The following CTNNA2 variants were observed in gnomAD, a reference collection of about 807,000 sequenced individuals.
The protein encoded by CTNNA2 is catenin alpha-2.
CTNNA2 carries 42 observed loss-of-function variants against 101.0 expected under a neutral mutation model. The ratio of observed to expected loss-of-function variants is 0.42; its 90% CI spans 0.32 to 0.54. The LOEUF (loss-of-function observed/expected upper bound fraction) is 0.54, where lower values mean the gene tolerates loss of function less well. Ranked by LOEUF, CTNNA2 falls within the 20% of genes least tolerant of loss-of-function variation. The pLI is 0.14. For missense variants in CTNNA2, 871 were observed against 1,223.1 expected (o/e 0.71, Z 4.29); for synonymous variants, 450 against 456.4 (o/e 0.99, Z 0.18).
At chr2:80,179,606 C>T (rs746092694) in intron 7 of CTNNA2, among the ~76,000 whole-genome samples, 3 of 152,136 alleles carry the variant, frequency 2.0e-5, no homozygotes, top group Non-Finnish European at 4.4e-5. Context: ...ATCTCCTGAC[C>T]TCGTGATCCG....
At chr2:80,607,146 A>C in intron 16 of CTNNA2, among the ~76,000 whole-genome samples, 1 of 151,850 alleles carries the variant, frequency 6.6e-6, no homozygotes, top group East Asian at 1.9e-4. Flanking sequence ...GCTTGAGGGA[A>C]ACTTAGCTCA....
chr2:80,494,738 T>A (rs1370045658), intron 9 of CTNNA2, among the ~76,000 whole-genome samples: 1 of 152,112 alleles, frequency 6.6e-6, no homozygotes, highest in African/African-American at 2.4e-5. Flanking sequence ...TAAAAGATAA[T>A]TTCTAATAAA....
At chr2:80,099,899 G>T (rs1298581589) in intron 7 of CTNNA2, among the ~76,000 whole-genome samples, 1 of 152,066 alleles carries the variant, frequency 6.6e-6, no homozygotes, top group Admixed American at 6.6e-5. Context: ...TATAGTATCA[G>T]AGTCTTTGGG....
At chr2:79,369,565 C>A (rs1677825343) in intron 3 of CTNNA2, among the ~76,000 whole-genome samples, 1 of 152,172 alleles carries the variant, frequency 6.6e-6, no homozygotes, top group South Asian at 2.1e-4. Flanking sequence ...GCTCAGCAAC[C>A]TACAGAAGCT....
chr2:80,039,795 A>T (rs1285671978), intron 7 of CTNNA2, among the ~76,000 whole-genome samples: 2 of 152,254 alleles, frequency 1.3e-5, no homozygotes, highest in East Asian at 3.8e-4. Context: ...TATCAGAAAG[A>T]CAGAAGTTTC....
intron 4 of CTNNA2, among the ~76,000 whole-genome samples, chr2:79,394,943 A>C (rs1183785130): frequency 1.3e-5 from 2 of 152,134 alleles, no homozygotes; most frequent in Non-Finnish European, 2.9e-5. Context: ...ACTGTGGGCC[A>C]TGTGTGAAGG....
intron 1 of CTNNA2, among the ~76,000 whole-genome samples, chr2:79,624,939 C>T (rs1351167811): frequency 6.6e-6 from 1 of 151,992 alleles, no homozygotes; most frequent in Admixed American, 6.6e-5. Flanking sequence ...ATAATTATGG[C>T]AGAGCATACT....
rs146295067 is a variant in CTNNA2 at position 79,375,311 on chromosome 2, G to A, written c.-135+1298G>A. Among the ~76,000 whole-genome samples, 210 of 152,240 alleles carry A rather than the reference G, an allele frequency of 1.4e-3. 1 individual carries two copies. Among genetic ancestry groups the A allele is most frequent in the Admixed American group, 2.9e-3 (45 of 15,288 alleles). ...CAAGTTAGCCTGCAACAACTACCTT[G>A]TAAGCTTTTTGTAAGAATTGCAGTA... On this transcript the variant is annotated intron_variant, in intron 4 of 21. Coordinates refer to the CTNNA2 transcript ENST00000466387.
At chr2:79,710,120 G>A (rs1455775630) in intron 2 of CTNNA2, among the ~76,000 whole-genome samples, 3 of 152,010 alleles carry the variant, frequency 2.0e-5, no homozygotes, top group Non-Finnish European at 4.4e-5. Flanking sequence ...GAATTGGTGG[G>A]AAGACGTTAG....
At chr2:79,551,686 A>G (rs2104057443) in intron 1 of CTNNA2, among the ~76,000 whole-genome samples, 1 of 152,298 alleles carries the variant, frequency 6.6e-6, no homozygotes, top group Non-Finnish European at 1.5e-5. Context: ...CAGTTCCACA[A>G]GTTGTACATG....
intron 7 of CTNNA2, among the ~76,000 whole-genome samples, chr2:80,329,879 G>A (rs1483453985): frequency 3.9e-5 from 6 of 152,176 alleles, no homozygotes. Flanking sequence ...GGAAACCCAG[G>A]GAAACTTTTC....
intron 18 of CTNNA2, among the ~76,000 whole-genome samples, chr2:80,641,825 TCTG>T (rs1409837573): frequency 6.6e-5 from 10 of 152,278 alleles, no homozygotes; most frequent in South Asian, 4.1e-4. Flanking sequence ...AAGGTCTTAT[TCTG>T]AGAAATTTTT....
At chr2:79,614,885 A>G (rs1176487196) in intron 1 of CTNNA2, among the ~76,000 whole-genome samples, 1 of 152,162 alleles carries the variant, frequency 6.6e-6, no homozygotes. Flanking sequence ...AATTTATGAG[A>G]TTGTTTTCAA....
chr2:79,728,990 T>C lies in CTNNA2; in HGVS notation c.103-15397T>C, dbSNP rs930789286. 4.1e-4 allele frequency among the ~76,000 whole-genome samples: 62 copies of C among 152,196 alleles called. 1 individual carries two copies. Among genetic ancestry groups the C allele is most frequent in the Admixed American group, 2.9e-3 (45 of 15,276 alleles). On this transcript the variant is annotated intron_variant, in intron 2 of 18. Coordinates refer to ENST00000402739, the MANE Select transcript of CTNNA2 (RefSeq NM_001282597.3). ...TTTTGGTTACTGTAGCCTTGTAGTA[T>C]AGTTTGAAGTCAGGTAGCGTGATGC...
At chr2:79,651,119 G>A (rs1466601782) in intron 1 of CTNNA2, among the ~76,000 whole-genome samples, 1 of 152,074 alleles carries the variant, frequency 6.6e-6, no homozygotes, top group Non-Finnish European at 1.5e-5. Context: ...CGATTCCTCA[G>A]GGATCTAGAA....
intron 1 of CTNNA2, among the ~76,000 whole-genome samples, chr2:79,531,502 C>T (rs912975082): frequency 1.3e-5 from 2 of 151,854 alleles, no homozygotes; most frequent in Admixed American, 6.6e-5. Flanking sequence ...ATTTCCATAG[C>T]AACGGAAACA....
chr2:79,339,126 G>T (rs891231440), intron 3 of CTNNA2, among the ~76,000 whole-genome samples: 1 of 133,414 alleles, frequency 7.5e-6, no homozygotes, highest in African/African-American at 3.0e-5. Flanking sequence ...TCTGTAGGGA[G>T]AGAGTGAACA....
At chr2:80,296,031 A>AT (rs1306130146) in intron 7 of CTNNA2, among the ~76,000 whole-genome samples, 1 of 151,700 alleles carries the variant, frequency 6.6e-6, no homozygotes, top group Non-Finnish European at 1.5e-5. Flanking sequence ...GAGCACATTG[A>AT]TTTTTTTCTA....
chr2:79,997,086 T>C (rs1692601765), intron 7 of CTNNA2, among the ~76,000 whole-genome samples: 1 of 152,100 alleles, frequency 6.6e-6, no homozygotes, highest in Non-Finnish European at 1.5e-5. Context: ...CACTGTCCAA[T>C]TGGTCAACAA....
Sources: allele counts gnomAD v4.1 joint callset (sites outside exome capture counted in the v4.1 genomes callset), GRCh38; gene constraint gnomAD v4.1.1; transcripts MANE v1.5; gene names NCBI Gene and HGNC (gene_info 2026-07-23, HGNC 2026-07-21).